SYTL3: variants seen among roughly 807,000 people sequenced by gnomAD.
The protein encoded by SYTL3 is synaptotagmin-like protein 3.
SYTL3 carries 88 observed loss-of-function variants against 82.1 expected under a neutral mutation model. The ratio of observed to expected loss-of-function variants is 1.07; its 90% CI spans 0.90 to 1.28. The LOEUF is 1.28. Among genes scored for constraint, SYTL3 ranks in the 50% most tolerant of loss-of-function variants. The pLI is 0.00. For missense variants in SYTL3, 831 were observed against 757.6 expected (o/e 1.10, Z -1.14); for synonymous variants, 311 against 289.4 (o/e 1.07, Z -0.76).
At chr6:158,686,552 A>T (rs75219946) in intron 6 of SYTL3, among the ~76,000 whole-genome samples, 4,042 of 152,254 alleles carry the variant, frequency 0.027, 139 homozygotes, top group South Asian at 0.094. Context: ...GGTAACAAGG[A>T]TCAGGTGACA....
At chr6:158,695,215 A>G (rs550921542) in intron 6 of SYTL3, among the ~76,000 whole-genome samples, 6 of 152,360 alleles carry the variant, frequency 3.9e-5, no homozygotes, top group South Asian at 4.1e-4. Context: ...AAATTTACAG[A>G]AAAAGTTTGC....
chr6:158,761,304 T>TTTTTC (rs1789900162), intron 15 of SYTL3, among the ~76,000 whole-genome samples: 2 of 132,094 alleles, frequency 1.5e-5, no homozygotes, highest in African/African-American at 5.7e-5. Context: ...CACATTTCTT[T>TTTTTC]TTTTTTTTTT....
intron 11 of SYTL3, among the ~76,000 whole-genome samples, chr6:158,740,673 C>T (rs1359374959): frequency 2.0e-5 from 3 of 152,024 alleles, no homozygotes; most frequent in Non-Finnish European, 4.4e-5. Context: ...TCCTGGTATG[C>T]GTGGCAATTT....
intron 12 of SYTL3, among the ~76,000 whole-genome samples, chr6:158,747,017 T>G (rs1261224127): frequency 2.0e-5 from 3 of 152,138 alleles, no homozygotes; most frequent in South Asian, 2.1e-4. Context: ...GACGGAGTCT[T>G]GCTCTGTTGC....
intron 11 of SYTL3, among the ~76,000 whole-genome samples, chr6:158,744,488 T>C (rs563685707): frequency 6.6e-6 from 1 of 151,862 alleles, no homozygotes; most frequent in South Asian, 2.1e-4. Context: ...TTTTTTTCTT[T>C]TTTTGTATTT....
intron 10 of SYTL3, among the ~76,000 whole-genome samples, chr6:158,720,948 T>A (rs1784037853): frequency 6.6e-6 from 1 of 152,176 alleles, no homozygotes; most frequent in Non-Finnish European, 1.5e-5. Flanking sequence ...TGCATGAGGA[T>A]GGCCCGTGGG....
intron 6 of SYTL3, among the ~76,000 whole-genome samples, chr6:158,684,469 G>A (rs1779076351): frequency 6.6e-6 from 1 of 152,098 alleles, no homozygotes; most frequent in African/African-American, 2.4e-5. Context: ...TGGGGCATCA[G>A]GACAAAGGCG....
chr6:158,746,453 A>ATTATTATTATTATTATTAT lies in SYTL3; in HGVS notation c.1034+796_1034+797insTATTATTATTATTATTATT, dbSNP rs1554263746. 2.2e-3 allele frequency among the ~76,000 whole-genome samples: 214 copies of ATTATTATTATTATTATTAT among 99,498 alleles called. 2 individuals are homozygous for ATTATTATTATTATTATTAT. The highest frequency in any genetic ancestry group is 4.7e-3 in the South Asian group (17 of 3,642). The allele number at this position is 99,498 out of a possible 152,430, so 65.3% of individuals were successfully genotyped here. On this transcript the variant is annotated intron_variant, in intron 12 of 17. Transcript: ENST00000611299. ...GTGTAGCACCATTATAATAATAATA[A>ATTATTATTATTATTATTAT]TAATAATATTATTATTATTATTATT...
intron 2 of SYTL3, among the ~76,000 whole-genome samples, chr6:158,659,845 C>G (rs1487347896): frequency 6.6e-6 from 1 of 152,114 alleles, no homozygotes; most frequent in African/African-American, 2.4e-5. Context: ...ATTATCAGTC[C>G]TTTTTCACTG....
intron 6 of SYTL3, among the ~76,000 whole-genome samples, chr6:158,685,965 A>G (rs1583230735): frequency 6.6e-6 from 1 of 152,240 alleles, no homozygotes; most frequent in African/African-American, 2.4e-5. Context: ...TCTCAATGCC[A>G]GCTAAGTGCA....
intron 6 of SYTL3, among the ~76,000 whole-genome samples, chr6:158,706,565 A>G (rs908950428): frequency 6.6e-6 from 1 of 152,140 alleles, no homozygotes; most frequent in Non-Finnish European, 1.5e-5. Context: ...TAGCAGGAGA[A>G]TGCTGCTTCC....
intron 15 of SYTL3, among the ~76,000 whole-genome samples, chr6:158,761,081 A>G (rs745457536): frequency 1.8e-4 from 27 of 151,986 alleles, no homozygotes; most frequent in Non-Finnish European, 8.8e-5. Flanking sequence ...CTCCATGACA[A>G]TGTGGAGCCA....
intron 13 of SYTL3, among the ~76,000 whole-genome samples, chr6:158,753,189 C>G (rs566884275): frequency 6.2e-4 from 90 of 146,008 alleles, no homozygotes; most frequent in African/African-American, 2.3e-3. Context: ...TCAAGCGATT[C>G]TCCTGCCTCA....
At chr6:158,697,277 GAAAA>G (rs35335929) in intron 6 of SYTL3, among the ~76,000 whole-genome samples, 1 of 94,502 alleles carries the variant, frequency 1.1e-5, no homozygotes, top group South Asian at 4.1e-4. Flanking sequence ...CATCTCTACG[GAAAA>G]AAAAAAAAAA....
chr6:158,689,616 A>ATATCCACATTAAT (rs1453203215), intron 6 of SYTL3, among the ~76,000 whole-genome samples: 1 of 151,218 alleles, frequency 6.6e-6, no homozygotes, highest in Non-Finnish European at 1.5e-5. Context: ...GATAGGTTAA[A>ATATCCACATTAAT]TATCCACATT....
chr6:158,697,632 TC>T (rs1313726136), intron 6 of SYTL3, among the ~76,000 whole-genome samples: 2 of 152,308 alleles, frequency 1.3e-5, no homozygotes, highest in Middle Eastern at 3.4e-3. Flanking sequence ...GAAAATATTT[TC>T]AGATCACATA....
intron 9 of SYTL3, among the ~76,000 whole-genome samples, chr6:158,717,307 T>C (rs1020661055): frequency 2.0e-5 from 2 of 99,440 alleles, no homozygotes; most frequent in East Asian, 2.0e-4. Flanking sequence ...TAATTTTACC[T>C]GTTTTTTTTT....
At chr6:158,666,695 AGT>A (rs1056946198) in intron 5 of SYTL3, among the ~76,000 whole-genome samples, 1 of 152,238 alleles carries the variant, frequency 6.6e-6, no homozygotes, top group African/African-American at 2.4e-5. Flanking sequence ...GCACTTACAC[AGT>A]GTGGGCATTG....
At chr6:158,677,722 A>AAAAG (rs1413788504) in intron 5 of SYTL3, among the ~76,000 whole-genome samples, 6 of 145,106 alleles carry the variant, frequency 4.1e-5, no homozygotes, top group African/African-American at 1.5e-4. Context: ...AAAAAAAAAA[A>AAAAG]AAAAAAAAGA....
Sources: allele counts gnomAD v4.1 joint callset (sites outside exome capture counted in the v4.1 genomes callset), GRCh38; gene constraint gnomAD v4.1.1; transcripts MANE v1.5; gene names NCBI Gene and HGNC (gene_info 2026-07-23, HGNC 2026-07-21).